The following COL27A1 variants were observed in gnomAD, a reference collection of about 807,000 sequenced individuals.
COL27A1 encodes the protein collagen type XXVII alpha 1 chain, also known as collagen alpha-1(XXVII) chain.
A neutral mutation model predicts 251.3 loss-of-function variants in COL27A1; 106 were observed. That is an observed-to-expected ratio of 0.42 (90% confidence interval 0.36 to 0.50). COL27A1 has a LOEUF of 0.50. Ranked by LOEUF, COL27A1 falls within the 20% of genes least tolerant of loss-of-function variation. The probability of loss-of-function intolerance (pLI) is 0.00; values close to 1 mark genes in which losing one functional copy is unlikely to be tolerated. For missense variants in COL27A1, 2,325 were observed against 2,522.8 expected (o/e 0.92, Z 1.68); for synonymous variants, 1,000 against 986.3 (o/e 1.01, Z -0.26).
intron 23 of COL27A1, among the ~76,000 whole-genome samples, chr9:114,245,661 C>G (rs1833082155): frequency 6.6e-6 from 1 of 152,208 alleles, no homozygotes; most frequent in Middle Eastern, 3.2e-3. Flanking sequence ...GAATGGGTGA[C>G]TAGAGTCATG....
rs539581715 is a variant in COL27A1 at position 114,311,683 on chromosome 9, A to T, written c.*988A>T. 6.6e-6 allele frequency: 1 copy of T among 152,350 alleles called. No individual in the cohort carries two copies. The highest frequency in any genetic ancestry group is 2.1e-4 in the South Asian group (1 of 4,826). 9.4% of individuals were successfully genotyped at this position (152,350 alleles called of 1,614,324 possible). ...AAGGCAGCAGGGAGGCCTGGGTGCG[A>T]AGCATGTTGGCTTGGCCCTTCACGG... On this transcript the variant is annotated 3_prime_UTR_variant, in exon 61 of 61. Coordinates refer to ENST00000356083, the MANE Select transcript of COL27A1 (RefSeq NM_032888.4).
At chr9:114,176,959 A>T (rs375102112) in intron 3 of COL27A1, among the ~76,000 whole-genome samples, 2 of 152,184 alleles carry the variant, frequency 1.3e-5, no homozygotes, top group South Asian at 4.1e-4. Context: ...CACCGATTTT[A>T]ACTCTGGGCA....
intron 27 of COL27A1, among the ~76,000 whole-genome samples, 164 bp downstream of exon 27, chr9:114,253,096 C>T (rs1187071577): frequency 6.6e-6 from 1 of 152,140 alleles, no homozygotes; most frequent in Non-Finnish European, 1.5e-5. Flanking sequence ...CTTGTCTCTA[C>T]GGAAAATACA....
At chr9:114,265,391 G>A (rs750197288) in intron 31 of COL27A1, 31 bp from the exon 32 acceptor site, 1 of 1,610,428 alleles carries the variant, frequency 6.2e-7, no homozygotes, top group African/African-American at 1.3e-5. Flanking sequence ...GCCATGGAGG[G>A]CCTAAGGTCA....
chr9:114,310,397 G>A (rs549724645), intron 60 of COL27A1, 152 bp from the exon 61 acceptor site: 19 of 740,552 alleles, frequency 2.6e-5, no homozygotes, highest in Non-Finnish European at 3.8e-5. Flanking sequence ...TAAAAAGAGT[G>A]GAAGCAATCT....
intron 6 of COL27A1, among the ~76,000 whole-genome samples, chr9:114,195,427 C>A (rs1188419441): frequency 6.6e-6 from 1 of 152,136 alleles, no homozygotes; most frequent in African/African-American, 2.4e-5. Flanking sequence ...AAAACGGAGG[C>A]CTAGGCAGGG....
At chr9:114,239,471 A>G (rs1377735660) in intron 19 of COL27A1, among the ~76,000 whole-genome samples, 1 of 152,240 alleles carries the variant, frequency 6.6e-6, no homozygotes, top group African/African-American at 2.4e-5. Context: ...CCAGGGTCAC[A>G]CAGGAGGAGG....
intron 1 of COL27A1, among the ~76,000 whole-genome samples, chr9:114,161,790 A>AT (rs1848510527): frequency 1.3e-5 from 2 of 152,220 alleles, no homozygotes; most frequent in South Asian, 4.2e-4. Context: ...GGAAGGTGAA[A>AT]TTGTATCATT....
Position 114,194,425 on chromosome 9 carries a change from C to G in COL27A1, c.2038C>G (p.Leu680Val). 6.2e-7 allele frequency: 1 copy of G among 1,612,868 alleles called. No individual in the cohort carries two copies. ...GAKGQKGDPG[L>V]SPGKAHDGAK... The stretch of plus-strand genomic sequence containing the variant: ...TCAGGGACAGAAAGGGGACCCAGGG[C>G]TCTCACCAGGAAAGGCCCACGATGG... The change falls in exon 6 of 61, where the codon CTC (leucine) becomes GTC (valine). Residue 680 changes from leucine to valine, a missense_variant. By Grantham distance (32) the Leu-to-Val change is conservative. Transcript: ENST00000356083.
intron 7 of COL27A1, among the ~76,000 whole-genome samples, chr9:114,202,640 C>T (rs901660059): frequency 7.9e-5 from 12 of 152,170 alleles, no homozygotes; most frequent in Non-Finnish European, 4.4e-5. Context: ...CCACCGCCAT[C>T]CTTCACCCTC....
intron 42 of COL27A1, 21 bp downstream of exon 42, chr9:114,288,532 G>A: frequency 6.3e-7 from 1 of 1,595,164 alleles, no homozygotes; most frequent in Non-Finnish European, 8.5e-7. Flanking sequence ...TCCCTCCCCT[G>A]GACCATGTGG....
intron 19 of COL27A1, among the ~76,000 whole-genome samples, chr9:114,239,482 G>T (rs931153611): frequency 1.3e-5 from 2 of 152,234 alleles, no homozygotes; most frequent in African/African-American, 4.8e-5. Context: ...CAGGAGGAGG[G>T]CAGGGCTCTG....
chr9:114,268,987 T>C, intron 34 of COL27A1: 1 of 439,290 alleles, frequency 2.3e-6, no homozygotes, highest in Non-Finnish European at 3.9e-6. Flanking sequence ...TACAGTTAGT[T>C]ATTAATAGGA....
chr9:114,191,256 T>C (rs979927957), intron 5 of COL27A1, among the ~76,000 whole-genome samples: 1 of 152,210 alleles, frequency 6.6e-6, no homozygotes, highest in Non-Finnish European at 1.5e-5. Flanking sequence ...TTCTTTTTTT[T>C]AATTTTTAAT....
At chr9:114,308,169 T>C (rs1028374928) in intron 59 of COL27A1, among the ~76,000 whole-genome samples, 1 of 152,266 alleles carries the variant, frequency 6.6e-6, no homozygotes. Context: ...ACTTAACTCA[T>C]GTTCAATGCC....
intron 49 of COL27A1, among the ~76,000 whole-genome samples, chr9:114,295,115 G>A (rs565036832): frequency 6.6e-6 from 1 of 152,228 alleles, no homozygotes; most frequent in African/African-American, 2.4e-5. Context: ...ACTAATCAAT[G>A]TGCACAAATG....
intron 28 of COL27A1, 51 bp downstream of exon 28, chr9:114,258,645 T>C (rs757662873): frequency 3.0e-5 from 48 of 1,579,632 alleles, no homozygotes; most frequent in Non-Finnish European, 3.9e-5. Flanking sequence ...GGGGGCACAC[T>C]TGGAACAGGG....
At chr9:114,298,166 A>G (rs1271971403) in intron 49 of COL27A1, among the ~76,000 whole-genome samples, 1 of 151,694 alleles carries the variant, frequency 6.6e-6, no homozygotes, top group African/African-American at 2.4e-5. Flanking sequence ...AGATATGTTC[A>G]GTGAAAATTT....
intron 56 of COL27A1, among the ~76,000 whole-genome samples, chr9:114,303,723 G>A (rs924022343): frequency 2.1e-4 from 32 of 152,178 alleles, no homozygotes; most frequent in African/African-American, 4.1e-4. Flanking sequence ...AGAGTCCCCC[G>A]TTCTGGACCC....
Sources: gnomAD v4.1 joint callset for allele counts (sites outside exome capture counted in the v4.1 genomes callset) on GRCh38, gnomAD v4.1.1 for gene constraint, MANE v1.5 for transcripts, NCBI Gene and HGNC (gene_info 2026-07-23, HGNC 2026-07-21) for gene names.